The following ZMIZ1 variants were observed in gnomAD, a reference collection of about 807,000 sequenced individuals.
ZMIZ1 encodes zinc finger MIZ domain-containing protein 1.
In ZMIZ1, 17 loss-of-function variants were observed where a neutral mutation model predicts 113.9. That is an observed-to-expected ratio of 0.15 (90% CI 0.10 to 0.22). The LOEUF (loss-of-function observed/expected upper bound fraction) is 0.22, where lower values mean the gene tolerates loss of function less well. ZMIZ1 is among the 10% of genes least tolerant of loss of function. ZMIZ1 has a pLI of 1.00. For synonymous variants in ZMIZ1, 607 were observed against 603.1 expected, an observed-to-expected ratio of 1.01 and a Z score of -0.09; for missense variants, 1,059 against 1,477.8, an observed-to-expected ratio of 0.72 and a Z score of 4.65.
intron 2 of ZMIZ1, among the ~76,000 whole-genome samples, chr10:79,123,808 G>A (rs570784550): frequency 6.6e-6 from 1 of 152,324 alleles, no homozygotes; most frequent in African/African-American, 2.4e-5. Flanking sequence ...GCGGTTTGGG[G>A]CTGGCCATGA....
At chr10:79,160,473 A>G (rs1299363266) in intron 3 of ZMIZ1, among the ~76,000 whole-genome samples, 1 of 152,232 alleles carries the variant, frequency 6.6e-6, no homozygotes, top group Non-Finnish European at 1.5e-5. Flanking sequence ...GCAGTGCATT[A>G]CACAGTCTGC....
chr10:79,306,070 G>A (rs1434414533), intron 21 of ZMIZ1, 30 bp from the exon 22 acceptor site: 3 of 1,601,978 alleles, frequency 1.9e-6, no homozygotes, highest in Non-Finnish European at 2.6e-6. Flanking sequence ...GCACCCCGGA[G>A]CCTCAGCTCT....
chr10:79,289,972 A>G, intron 9 of ZMIZ1, 83 bp downstream of exon 9: 1 of 1,350,452 alleles, frequency 7.4e-7, no homozygotes, highest in Admixed American at 1.9e-5. Flanking sequence ...AGCCCTCTTC[A>G]CCCTCACAGG....
intron 1 of ZMIZ1, among the ~76,000 whole-genome samples, chr10:79,073,904 T>G (rs1328526063): frequency 6.6e-6 from 1 of 152,124 alleles, no homozygotes; most frequent in East Asian, 1.9e-4. Context: ...GACTGTGTCC[T>G]GGGAGAGACC....
At chr10:79,253,152 T>G (rs1850654549) in intron 7 of ZMIZ1, among the ~76,000 whole-genome samples, 1 of 152,072 alleles carries the variant, frequency 6.6e-6, no homozygotes, top group African/African-American at 2.4e-5. Flanking sequence ...GTTGCAGAGA[T>G]TATGTGTTGA....
chr10:79,294,556 A>G (rs1377675071), intron 12 of ZMIZ1: 1 of 152,272 alleles, frequency 6.6e-6, no homozygotes, highest in African/African-American at 2.4e-5. Flanking sequence ...TCACAAGTAA[A>G]TCCTCAGAAA....
At chr10:79,086,264 T>G (rs7916950) in intron 1 of ZMIZ1, among the ~76,000 whole-genome samples, 19,580 of 152,060 alleles carry the variant, frequency 0.13, 1,383 homozygotes, top group South Asian at 0.19. Flanking sequence ...CATTACCTCC[T>G]CCCAGGGACC....
intron 3 of ZMIZ1, among the ~76,000 whole-genome samples, chr10:79,151,458 G>C (rs1845706436): frequency 6.6e-6 from 1 of 152,206 alleles, no homozygotes; most frequent in Non-Finnish European, 1.5e-5. Flanking sequence ...TGAGTTCATG[G>C]GGAGAGGAAC....
At chr10:79,085,294 C>T (rs565603376) in intron 1 of ZMIZ1, among the ~76,000 whole-genome samples, 2 of 152,210 alleles carry the variant, frequency 1.3e-5, no homozygotes, top group Non-Finnish European at 2.9e-5. Flanking sequence ...GGGGGCTCAG[C>T]ACCAGTCACC....
intron 1 of ZMIZ1, among the ~76,000 whole-genome samples, chr10:79,077,615 T>C (rs1842518809): frequency 6.6e-6 from 1 of 152,212 alleles, no homozygotes. Flanking sequence ...ATAGCCAGCA[T>C]TTATTGGGCA....
intron 24 of ZMIZ1, among the ~76,000 whole-genome samples, chr10:79,312,341 G>T (rs1189921105): frequency 6.6e-6 from 1 of 152,264 alleles, no homozygotes; most frequent in Non-Finnish European, 1.5e-5. Flanking sequence ...GCCTTCCCAG[G>T]TTAGGGCTGA....
At chr10:79,133,601 C>T (rs1272510751) in intron 2 of ZMIZ1, among the ~76,000 whole-genome samples, 3 of 152,270 alleles carry the variant, frequency 2.0e-5, no homozygotes, top group East Asian at 1.9e-4. Flanking sequence ...TTCCTAGCGA[C>T]GCATGCCTGG....
At chr10:79,303,609 G>GGAT (rs1854482835) in intron 18 of ZMIZ1, among the ~76,000 whole-genome samples, 1 of 152,164 alleles carries the variant, frequency 6.6e-6, no homozygotes, top group Admixed American at 6.5e-5. Flanking sequence ...GCAGGCAGCT[G>GGAT]TCCGTTTCCA....
chr10:79,084,626 G>C (rs1392075878), intron 1 of ZMIZ1, among the ~76,000 whole-genome samples: 1 of 152,184 alleles, frequency 6.6e-6, no homozygotes, highest in Non-Finnish European at 1.5e-5. Context: ...CTGCTTGACT[G>C]TCTGCTCTAA....
intron 1 of ZMIZ1, among the ~76,000 whole-genome samples, chr10:79,080,453 C>T (rs704011): frequency 0.26 from 39,638 of 151,684 alleles, 6,443 homozygotes; most frequent in African/African-American, 0.46. Flanking sequence ...AATATAGGTG[C>T]CCACACCACC....
At chr10:79,222,193 T>C (rs1219462291) in intron 7 of ZMIZ1, among the ~76,000 whole-genome samples, 2 of 152,206 alleles carry the variant, frequency 1.3e-5, no homozygotes, top group Non-Finnish European at 2.9e-5. Context: ...ATGTTTTTTT[T>C]TTATGCATAC....
At chr10:79,205,334 C>T (rs1843562711) in intron 5 of ZMIZ1, among the ~76,000 whole-genome samples, 1 of 152,232 alleles carries the variant, frequency 6.6e-6, no homozygotes. Flanking sequence ...CCCACTGGGG[C>T]TCATTCTGCA....
chr10:79,122,858 G>A (rs529655031), intron 2 of ZMIZ1, among the ~76,000 whole-genome samples: 7 of 152,282 alleles, frequency 4.6e-5, no homozygotes, highest in South Asian at 4.1e-4. Flanking sequence ...ACCCTCGGCC[G>A]CCTCATCTTG....
At chr10:79,173,469 A>T (rs1846689832) in intron 4 of ZMIZ1, among the ~76,000 whole-genome samples, 1 of 152,152 alleles carries the variant, frequency 6.6e-6, no homozygotes, top group African/African-American at 2.4e-5. Flanking sequence ...TGTTGCTAGG[A>T]AGCCCCTTAG....
Sources: allele counts gnomAD v4.1 joint callset (sites outside exome capture counted in the v4.1 genomes callset), GRCh38; gene constraint gnomAD v4.1.1; transcripts MANE v1.5; gene names NCBI Gene and HGNC (gene_info 2026-07-23, HGNC 2026-07-21).